Variants in RGS7 observed in about 807,000 individuals in gnomAD.
RGS7 encodes regulator of G protein signaling 7.
RGS7 carries 27 observed loss-of-function variants against 81.1 expected under a neutral mutation model. The observed-to-expected ratio is 0.33, with a 90% confidence interval of 0.25 to 0.46. RGS7 has a LOEUF of 0.46. RGS7 is among the 20% of genes least tolerant of loss of function. RGS7 has a pLI of 1.00. For missense variants in RGS7, 396 were observed against 607.4 expected (o/e 0.65, Z 3.66); for synonymous variants, 208 against 207.7 (o/e 1.00, Z -0.01).
chr1:241,189,826 A>G (rs1011835766), intron 2 of RGS7, among the ~76,000 whole-genome samples: 12 of 152,262 alleles, frequency 7.9e-5, no homozygotes, highest in African/African-American at 2.4e-4. Flanking sequence ...CAAAAAATCA[A>G]TTGGTCAGGC....
chr1:240,895,720 C>T (rs1668982552), intron 6 of RGS7, among the ~76,000 whole-genome samples: 2 of 152,174 alleles, frequency 1.3e-5, no homozygotes, highest in South Asian at 4.1e-4. Flanking sequence ...CAAGTCTTTG[C>T]TATTGTGAAT....
intron 14 of RGS7, among the ~76,000 whole-genome samples, chr1:240,809,355 A>G (rs1689440662): frequency 6.6e-6 from 1 of 152,208 alleles, no homozygotes; most frequent in Non-Finnish European, 1.5e-5. Flanking sequence ...ACTCACTGAT[A>G]GCAGGAGGGC....
At chr1:241,043,914 C>A (rs1558639512) in intron 3 of RGS7, among the ~76,000 whole-genome samples, 1 of 151,690 alleles carries the variant, frequency 6.6e-6, no homozygotes, top group East Asian at 1.9e-4. Context: ...GTCCTAGAAC[C>A]AATCCTGTGC....
chr1:241,260,861 C>T (rs2148280578), intron 2 of RGS7, among the ~76,000 whole-genome samples: 1 of 142,036 alleles, frequency 7.0e-6, no homozygotes, highest in Non-Finnish European at 1.5e-5. Flanking sequence ...GGTGAGACTC[C>T]TCCCTAAGAC....
In RGS7 at chr1:240,992,920, C is replaced by G. The variant is rs566551621; in HGVS notation, c.176-9791G>C. 2.0e-5 allele frequency among the ~76,000 whole-genome samples: 3 copies of G among 151,680 alleles called. No homozygotes were observed. In the South Asian group the frequency reaches 6.3e-4, roughly 32 times the overall value. On this transcript the variant is annotated intron_variant, in intron 3 of 18. Coordinates refer to ENST00000440928, the MANE Select transcript of RGS7 (RefSeq NM_001364886.1). ...GGCCCAGCTACTCAGGAACCTGAGG[C>G]AGGAGAATCACTTGAACCCAGGAGG...
At chr1:240,995,988 C>T (rs1408929300) in intron 3 of RGS7, among the ~76,000 whole-genome samples, 6 of 151,850 alleles carry the variant, frequency 4.0e-5, no homozygotes, top group Admixed American at 1.3e-4. Context: ...CAGTGTTCCA[C>T]AAATTGACAT....
Position 241,348,371 on chromosome 1 carries a change from G to GA in RGS7, c.78+7327dup, listed in dbSNP as rs555511270. ...TCCAAGAGCTAAACTACAGGTCAGA[G>GA]AAAAAAAAGCATCTAATCTATTTAG... On this transcript the variant is annotated intron_variant, in intron 2 of 18. Coordinates refer to ENST00000440928, the MANE Select transcript of RGS7 (RefSeq NM_001364886.1). 4.9e-3 allele frequency among the ~76,000 whole-genome samples: 738 copies of GA among 151,866 alleles called. 8 individuals carry two copies. Among genetic ancestry groups the GA allele is most frequent in the African/African-American group, 0.016 (671 of 41,404 alleles).
chr1:241,264,052 G>A (rs1343228310), intron 2 of RGS7, among the ~76,000 whole-genome samples: 1 of 152,080 alleles, frequency 6.6e-6, no homozygotes, highest in Non-Finnish European at 1.5e-5. Flanking sequence ...AGTAACCACC[G>A]TGCACCACCC....
chr1:241,118,422 A>G (rs867408258), intron 2 of RGS7, among the ~76,000 whole-genome samples: 9 of 152,338 alleles, frequency 5.9e-5, no homozygotes, highest in African/African-American at 1.9e-4. Flanking sequence ...TACACTTTTA[A>G]AAATTATTGA....
At chr1:240,907,975 T>C (rs1008350416) in intron 6 of RGS7, among the ~76,000 whole-genome samples, 1 of 152,194 alleles carries the variant, frequency 6.6e-6, no homozygotes, top group African/African-American at 2.4e-5. Flanking sequence ...TTTTATTTTT[T>C]AATTTTCCCT....
intron 2 of RGS7, among the ~76,000 whole-genome samples, chr1:241,211,549 G>T (rs2815868): frequency 0.28 from 42,063 of 151,942 alleles, 6,301 homozygotes; most frequent in African/African-American, 0.4. Context: ...CATCACCAAA[G>T]ACCTAGCATA....
intron 3 of RGS7, among the ~76,000 whole-genome samples, chr1:241,064,307 TG>T (rs2061925216): frequency 6.7e-6 from 1 of 150,124 alleles, no homozygotes; most frequent in Admixed American, 6.7e-5. Context: ...CAGATTCTGC[TG>T]GGTGTGGCAG....
At chr1:241,206,344 T>A (rs1214356707) in intron 2 of RGS7, among the ~76,000 whole-genome samples, 1 of 151,294 alleles carries the variant, frequency 6.6e-6, no homozygotes, top group East Asian at 2.0e-4. Context: ...CCTCCCTCCG[T>A]CTCCTGAGTA....
At chr1:241,194,512 G>C (rs2147808253) in intron 2 of RGS7, among the ~76,000 whole-genome samples, 1 of 152,190 alleles carries the variant, frequency 6.6e-6, no homozygotes, top group Non-Finnish European at 1.5e-5. Context: ...CATGCCTCTG[G>C]ATGGAATTTA....
At chr1:241,049,005 C>T (rs2061102772) in intron 3 of RGS7, among the ~76,000 whole-genome samples, 1 of 152,184 alleles carries the variant, frequency 6.6e-6, no homozygotes, top group Admixed American at 6.5e-5. Flanking sequence ...ACACAGTGTT[C>T]TCCCCTCTTC....
At chr1:240,934,470 C>T (rs1676250119) in intron 5 of RGS7, among the ~76,000 whole-genome samples, 1 of 152,116 alleles carries the variant, frequency 6.6e-6, no homozygotes, top group Admixed American at 6.5e-5. Flanking sequence ...ATTATTGGAA[C>T]TCTTCAAATA....
chr1:241,171,284 A>G (rs2070715760), intron 2 of RGS7, among the ~76,000 whole-genome samples: 1 of 152,220 alleles, frequency 6.6e-6, no homozygotes, highest in South Asian at 2.1e-4. Flanking sequence ...AAAAAAAATC[A>G]CATTACATTT....
chr1:240,899,488 A>G (rs994371384), intron 6 of RGS7, among the ~76,000 whole-genome samples: 4 of 152,198 alleles, frequency 2.6e-5, no homozygotes, highest in African/African-American at 9.7e-5. Context: ...TGGTGGTGAC[A>G]AAATCTCTCA....
At chr1:240,838,853 G>A (rs2147867350) in intron 9 of RGS7, among the ~76,000 whole-genome samples, 1 of 151,696 alleles carries the variant, frequency 6.6e-6, no homozygotes, top group Non-Finnish European at 1.5e-5. Context: ...CGCAAGCTCC[G>A]CCTCCTAGGT....
Sources: allele counts gnomAD v4.1 joint callset (sites outside exome capture counted in the v4.1 genomes callset), GRCh38; gene constraint gnomAD v4.1.1; transcripts MANE v1.5; gene names NCBI Gene and HGNC (gene_info 2026-07-23, HGNC 2026-07-21).